AGBL4: variants seen among roughly 807,000 people sequenced by gnomAD.
The protein encoded by AGBL4 is cytosolic carboxypeptidase 6.
A neutral mutation model predicts 66.4 loss-of-function variants in AGBL4; 58 were observed. The observed-to-expected ratio is 0.87, with a 90% CI of 0.71 to 1.09. The LOEUF is 1.09. Ranked by LOEUF, AGBL4 falls within the 50% of genes least tolerant of loss-of-function variation. AGBL4 has a pLI of 0.00. For missense variants in AGBL4, 579 were observed against 631.0 expected (o/e 0.92, Z 0.88); for synonymous variants, 234 against 222.9 (o/e 1.05, Z -0.44).
At chr1:49,524,668 T>C (rs2148804995) in intron 3 of AGBL4, among the ~76,000 whole-genome samples, 1 of 152,156 alleles carries the variant, frequency 6.6e-6, no homozygotes, top group Non-Finnish European at 1.5e-5. Context: ...TGTCTCTCTC[T>C]TGCCATACAA....
intron 3 of AGBL4, among the ~76,000 whole-genome samples, chr1:49,576,956 A>G (rs1196105311): frequency 1.3e-5 from 2 of 152,204 alleles, no homozygotes; most frequent in Non-Finnish European, 2.9e-5. Context: ...CAGTGGGCAG[A>G]ACTTTGAGCA....
intron 5 of AGBL4, among the ~76,000 whole-genome samples, chr1:49,000,984 C>G (rs570013997): frequency 7.0e-4 from 106 of 152,270 alleles, no homozygotes; most frequent in Middle Eastern, 3.4e-3. Context: ...GGCAAAAGCT[C>G]AGGGTTGAGT....
At chr1:49,018,884 C>T (rs138165854) in intron 5 of AGBL4, among the ~76,000 whole-genome samples, 4 of 152,230 alleles carry the variant, frequency 2.6e-5, no homozygotes, top group Admixed American at 2.0e-4. Flanking sequence ...CCATCCTCCA[C>T]ATAACAACCC....
intron 6 of AGBL4, among the ~76,000 whole-genome samples, chr1:48,801,466 C>T (rs1005241725): frequency 2.7e-4 from 41 of 152,310 alleles, no homozygotes; most frequent in African/African-American, 9.6e-4. Context: ...CCCCAAAGAC[C>T]CCTGTGAGAT....
intron 3 of AGBL4, among the ~76,000 whole-genome samples, chr1:49,573,786 G>GAA (rs1236572471): frequency 6.6e-6 from 1 of 152,166 alleles, no homozygotes; most frequent in Admixed American, 6.5e-5. Flanking sequence ...GCATTGATTG[G>GAA]AAAGAATGGG....
chr1:49,931,573 C>T (rs761402626), intron 1 of AGBL4, among the ~76,000 whole-genome samples: 3 of 152,202 alleles, frequency 2.0e-5, no homozygotes, highest in South Asian at 2.1e-4. Context: ...GGGGGAAATT[C>T]GCCCCCATAA....
At chr1:49,365,001 T>C (rs1644216250) in intron 3 of AGBL4, among the ~76,000 whole-genome samples, 1 of 152,166 alleles carries the variant, frequency 6.6e-6, no homozygotes, top group African/African-American at 2.4e-5. Flanking sequence ...ACCTAGTATA[T>C]ATAAACGATA....
chr1:49,009,074 T>G (rs1305152231), intron 5 of AGBL4, among the ~76,000 whole-genome samples: 2 of 151,084 alleles, frequency 1.3e-5, no homozygotes, highest in African/African-American at 4.9e-5. Context: ...CTTCAAAAAA[T>G]TAATGAATCC....
chr1:49,311,253 A>G (rs1159229295), intron 3 of AGBL4, among the ~76,000 whole-genome samples: 1 of 152,054 alleles, frequency 6.6e-6, no homozygotes, highest in Non-Finnish European at 1.5e-5. Context: ...ATGTTTTACC[A>G]TGCCACAGAG....
At chr1:49,136,078 T>C (rs1646004992) in intron 4 of AGBL4, among the ~76,000 whole-genome samples, 1 of 152,108 alleles carries the variant, frequency 6.6e-6, no homozygotes, top group Admixed American at 6.6e-5. Flanking sequence ...CATCCAAAAC[T>C]GTAAAGAAAT....
chr1:49,179,981 A>C (rs1646901532), intron 4 of AGBL4, among the ~76,000 whole-genome samples: 1 of 151,686 alleles, frequency 6.6e-6, no homozygotes, highest in South Asian at 2.1e-4. Flanking sequence ...GGCTCACTGC[A>C]ACCTCTGCCT....
At chr1:49,542,896 C>CAAAAAAAAA (rs35734647) in intron 3 of AGBL4, among the ~76,000 whole-genome samples, 4 of 22,890 alleles carry the variant, frequency 1.7e-4, no homozygotes, top group Admixed American at 8.1e-4. Context: ...AAGACTCCAT[C>CAAAAAAAAA]AAAAAAAAAA....
At chr1:49,467,547 G>A (rs777064520) in intron 3 of AGBL4, among the ~76,000 whole-genome samples, 3 of 151,776 alleles carry the variant, frequency 2.0e-5, no homozygotes, top group Non-Finnish European at 2.9e-5. Flanking sequence ...CACCATCCAC[G>A]TCAACTATGA....
chr1:48,691,170 A>C (rs1197933138), intron 6 of AGBL4, among the ~76,000 whole-genome samples: 2 of 149,846 alleles, frequency 1.3e-5, no homozygotes, highest in African/African-American at 4.9e-5. Context: ...AAAAAAAAAA[A>C]AAAAACACAT....
chr1:48,823,665 C>G (rs1290249361), intron 6 of AGBL4, among the ~76,000 whole-genome samples: 1 of 152,222 alleles, frequency 6.6e-6, no homozygotes, highest in East Asian at 1.9e-4. Flanking sequence ...GACTATTGTA[C>G]TGCATTGCTT....
chr1:49,840,881 C>A (rs754658006), intron 2 of AGBL4, among the ~76,000 whole-genome samples: 2 of 152,158 alleles, frequency 1.3e-5, no homozygotes, highest in African/African-American at 2.4e-5. Context: ...CTCTGGCAAA[C>A]CTATAGCCAA....
intron 11 of AGBL4, among the ~76,000 whole-genome samples, chr1:48,550,774 T>G (rs1399550750): frequency 2.6e-5 from 4 of 151,686 alleles, no homozygotes; most frequent in Non-Finnish European, 2.9e-5. Context: ...TGCTGGGTGC[T>G]CCACCAACTC....
chr1:48,665,490 C>T (rs942167521), intron 6 of AGBL4, among the ~76,000 whole-genome samples: 2 of 152,130 alleles, frequency 1.3e-5, no homozygotes, highest in Non-Finnish European at 2.9e-5. Flanking sequence ...TTTATCATGC[C>T]TCTGTGAGGT....
intron 5 of AGBL4, among the ~76,000 whole-genome samples, chr1:49,014,937 G>T (rs1662702238): frequency 6.6e-6 from 1 of 152,168 alleles, no homozygotes; most frequent in African/African-American, 2.4e-5. Context: ...GGACCCAGGG[G>T]TATTGAGATA....
Sources: gnomAD v4.1 joint callset for allele counts (sites outside exome capture counted in the v4.1 genomes callset) on GRCh38, gnomAD v4.1.1 for gene constraint, MANE v1.5 for transcripts, NCBI Gene and HGNC (gene_info 2026-07-23, HGNC 2026-07-21) for gene names.